The following PABIR3 variants were observed in gnomAD, a reference collection of about 807,000 sequenced individuals.
PABIR3 encodes the protein PABIR family member 3.
PABIR3 carries 20 observed loss-of-function variants against 23.1 expected under a neutral mutation model. The ratio of observed to expected loss-of-function variants is 0.86; its 90% CI spans 0.61 to 1.26. The LOEUF (loss-of-function observed/expected upper bound fraction) is 1.26, where lower values mean the gene tolerates loss of function less well. Ranked by LOEUF, PABIR3 falls within the 50% of genes most tolerant of loss-of-function variation. PABIR3 has a pLI of 0.00. For synonymous variants in PABIR3, 69 were observed against 68.5 expected, an observed-to-expected ratio of 1.01 and a Z score of -0.04; for missense variants, 189 against 195.4, an observed-to-expected ratio of 0.97 and a Z score of 0.20.
At chrX:134,799,068 T>C (rs761046109) in intron 1 of PABIR3, among the ~76,000 whole-genome samples, 28 of 112,063 alleles carry the variant, frequency 2.5e-4, no homozygotes, top group Non-Finnish European at 4.5e-4. Flanking sequence ...GTTATGAGTA[T>C]AGCAGGTGAA....
At chrX:134,846,249 A>G (rs1034746951) in intron 6 of PABIR3, among the ~76,000 whole-genome samples, 1 of 111,263 alleles carries the variant, frequency 9.0e-6, no homozygotes, top group East Asian at 2.8e-4. Flanking sequence ...TGATTCTATT[A>G]CCTCCCACCA....
At chrX:134,803,786 A>G (rs1458628326), upstream of PABIR3, among the ~76,000 whole-genome samples, 2 of 111,930 alleles carry the variant, frequency 1.8e-5, no homozygotes, top group Non-Finnish European at 3.8e-5. Context: ...CTAAACAATC[A>G]TTTGTTGACC....
At chrX:134,836,376 G>T (rs1201576300) in intron 4 of PABIR3, among the ~76,000 whole-genome samples, 6 of 112,874 alleles carry the variant, frequency 5.3e-5, no homozygotes, top group Non-Finnish European at 1.9e-5. Context: ...TGCAGAAACA[G>T]TTTGTATATT....
At chrX:134,799,807 A>C (rs764975829) in intron 1 of PABIR3, 1 of 109,908 alleles carries the variant, frequency 9.1e-6, no homozygotes, top group African/African-American at 3.3e-5. Context: ...GTCTCTACTA[A>C]AAATACAAAA....
Position 134,807,267 on chromosome X carries a change from C to T in PABIR3, c.-134C>T. ...GGCCGGAAAGGCTTACCATGAGTTGCCAGGGCTGAGAGAGATGGAGAAGGA... is the reference window on the plus strand; with the variant it reads ...GGCCGGAAAGGCTTACCATGAGTTGTCAGGGCTGAGAGAGATGGAGAAGGA... On this transcript the variant is annotated 5_prime_UTR_variant, in exon 1 of 11. Coordinates refer to ENST00000645433, the MANE Select transcript of PABIR3 (RefSeq NM_001388447.1). The T allele has an allele frequency of 1.1e-6, 1 of 906,139 alleles. No individual in the cohort carries two copies. The highest frequency in any genetic ancestry group is 1.4e-6 in the Non-Finnish European group (1 of 735,739). 74.7% of individuals were successfully genotyped at this position (906,139 alleles called of 1,213,427 possible).
upstream of PABIR3, among the ~76,000 whole-genome samples, chrX:134,805,398 T>A (rs1395008708): frequency 4.4e-5 from 5 of 112,584 alleles, no homozygotes; most frequent in Admixed American, 4.7e-4. Context: ...CACATCATCC[T>A]CATGTCTGGG....
chrX:134,802,894 G>A (rs1274271508), upstream of PABIR3, among the ~76,000 whole-genome samples: 1 of 112,851 alleles, frequency 8.9e-6, no homozygotes, highest in East Asian at 2.8e-4. Flanking sequence ...TGGGACAGCA[G>A]TCTGGTGTCT....
At chrX:134,800,115 A>C (rs2080023609) in intron 1 of PABIR3, among the ~76,000 whole-genome samples, 1 of 109,779 alleles carries the variant, frequency 9.1e-6, no homozygotes, top group Non-Finnish European at 1.9e-5. Context: ...CCTGGCCAAC[A>C]TGGTGAAACC....
downstream of PABIR3, among the ~76,000 whole-genome samples, chrX:134,857,633 T>C (rs915886472): frequency 9.0e-6 from 1 of 111,328 alleles, no homozygotes; most frequent in Non-Finnish European, 1.9e-5. Flanking sequence ...GTCTTAAAAA[T>C]GTGAGAACAA....
At chrX:134,804,524 T>C (rs1264530197), upstream of PABIR3, among the ~76,000 whole-genome samples, 1 of 111,990 alleles carries the variant, frequency 8.9e-6, no homozygotes, top group African/African-American at 3.2e-5. Context: ...TATTACTCCT[T>C]TTCTTAGAAA....
upstream of PABIR3, among the ~76,000 whole-genome samples, chrX:134,803,841 C>T (rs767464876): frequency 2.7e-5 from 3 of 111,054 alleles, no homozygotes; most frequent in African/African-American, 6.5e-5. Context: ...TAGGAGAACG[C>T]GAGGAGAATA....
At chrX:134,827,448 C>T (rs1247975411) in intron 3 of PABIR3, among the ~76,000 whole-genome samples, 5 of 111,000 alleles carry the variant, frequency 4.5e-5, no homozygotes, top group Non-Finnish European at 9.4e-5. Context: ...CATTTAGACC[C>T]TCACCATCTG....
rs757469291 is a variant in PABIR3, at chrX:134,827,917, G to C, written c.190-1309G>C. Among the ~76,000 whole-genome samples, 38 of 108,981 alleles carry C rather than the reference G, an allele frequency of 3.5e-4. 1 individual carries two copies. Among genetic ancestry groups the C allele is most frequent in the African/African-American group, 1.2e-3 (37 of 29,951 alleles). 94.6% of individuals were successfully genotyped at this position (108,981 alleles called of 115,157 possible). Reference sequence around the variant, plus strand: ...TAACTCTGTTCTGCCATTTGGCTGTGACCTAGTTTCTGCTAACTAGACTTA... The same window carrying C: ...TAACTCTGTTCTGCCATTTGGCTGTCACCTAGTTTCTGCTAACTAGACTTA... On this transcript the variant is annotated intron_variant, in intron 3 of 10. Transcript: ENST00000645433.
At chrX:134,817,568 G>A (rs1052964271) in intron 3 of PABIR3, among the ~76,000 whole-genome samples, 3 of 107,341 alleles carry the variant, frequency 2.8e-5, no homozygotes, top group Admixed American at 1.0e-4. Flanking sequence ...GGATATTGGT[G>A]GCAGGGGTAG....
downstream of PABIR3, among the ~76,000 whole-genome samples, chrX:134,856,218 G>A (rs750899864): frequency 5.4e-4 from 53 of 97,399 alleles, no homozygotes; most frequent in African/African-American, 1.9e-3. Context: ...ACGGAGTCTC[G>A]CTCTATTGCC....
chrX:134,808,132 C>A, intron 2 of PABIR3: 1 of 297,878 alleles, frequency 3.4e-6, no homozygotes, highest in Admixed American at 6.0e-5. Flanking sequence ...ACCTTCACCT[C>A]CAGCCGCTTG....
rs753608007 is a variant in PABIR3, at chrX:134,798,916, G to GCAAA, written c.-98+2070_-98+2073dup. On this transcript the variant is annotated intron_variant, in intron 1 of 4. Transcript: ENST00000414371. The stretch of plus-strand genomic sequence containing the variant: ...GTTTCTTAAGCCAGTTACTGAAAAG[G>GCAAA]CAAACAAACAAACAAACAAACCCCA... Among the ~76,000 whole-genome samples, 8 of 112,074 alleles carry GCAAA rather than the reference G, an allele frequency of 7.1e-5. 1 individual carries two copies. The highest frequency in any genetic ancestry group is 3.8e-4 in the Admixed American group (4 of 10,556).
chrX:134,862,477 G>A, the PABIR3 span, among the ~76,000 whole-genome samples: 1 of 111,432 alleles, frequency 9.0e-6, no homozygotes, highest in African/African-American at 3.3e-5. Flanking sequence ...AAGTGTATGT[G>A]TCTATATATG....
At chrX:134,818,036 G>A (rs900024864) in intron 3 of PABIR3, among the ~76,000 whole-genome samples, 4 of 111,627 alleles carry the variant, frequency 3.6e-5, no homozygotes, top group Admixed American at 1.9e-4. Context: ...ATCAATGGAC[G>A]GTGGGAAACA....
Sources: gnomAD v4.1 joint callset for allele counts (sites outside exome capture counted in the v4.1 genomes callset) on GRCh38, gnomAD v4.1.1 for gene constraint, MANE v1.5 for transcripts, NCBI Gene and HGNC (gene_info 2026-07-23, HGNC 2026-07-21) for gene names.